The following MOB3B variants were observed in gnomAD, a reference collection of about 807,000 sequenced individuals.
MOB3B encodes the protein MOB kinase activator 3B, also known as MOB kinase activator-like 2B.
Under a neutral mutation model 18.7 loss-of-function variants are expected in MOB3B, and 7 were observed. The ratio of observed to expected loss-of-function variants is 0.37; its 90% confidence interval spans 0.21 to 0.70. The LOEUF (loss-of-function observed/expected upper bound fraction) is 0.70. Ranked by LOEUF, MOB3B falls within the 30% of genes least tolerant of loss-of-function variation. The pLI, the probability that MOB3B is intolerant of heterozygous loss-of-function variation, is 0.52. For missense variants in MOB3B, 253 were observed against 281.3 expected (o/e 0.90, Z 0.72); for synonymous variants, 111 against 99.9 (o/e 1.11, Z -0.66).
rs1470496445 is a variant in MOB3B at position 27,455,098 on chromosome 9, G to A, written c.418+35C>T. On this transcript the variant is annotated intron_variant, in intron 2 of 3. Transcript: ENST00000262244. ...AATTTTCATAGTGAAGATTGTGCAG[G>A]TGACAAAAAAACTGAGAGCTGGTAA... 5 of 1,612,616 alleles carry A rather than the reference G, an allele frequency of 3.1e-6. No individual in the cohort carries two copies. In the South Asian group the frequency reaches 3.3e-5, roughly 11 times the overall value.
intron 2 of MOB3B, among the ~76,000 whole-genome samples, chr9:27,450,039 C>T (rs1299423771): frequency 2.0e-5 from 3 of 151,914 alleles, no homozygotes; most frequent in Non-Finnish European, 4.4e-5. Context: ...ACTCAACTCC[C>T]CAACATCCCA....
chr9:27,361,339 C>T (rs1357541450), intron 2 of MOB3B, among the ~76,000 whole-genome samples: 2 of 152,012 alleles, frequency 1.3e-5, no homozygotes, highest in South Asian at 2.1e-4. Context: ...AGGAACCACT[C>T]GATTGTCAAG....
At chr9:27,429,701 G>A (rs1172444899) in intron 2 of MOB3B, among the ~76,000 whole-genome samples, 1 of 152,114 alleles carries the variant, frequency 6.6e-6, no homozygotes, top group Admixed American at 6.5e-5. Context: ...TTGCATAGAC[G>A]GAGAGCTTGG....
At chr9:27,379,106 C>T (rs1288200611) in intron 2 of MOB3B, among the ~76,000 whole-genome samples, 4 of 152,048 alleles carry the variant, frequency 2.6e-5, no homozygotes, top group Admixed American at 6.5e-5. Flanking sequence ...AGAAGAAGCC[C>T]GGAGACCACT....
chr9:27,461,462 G>C (rs2131456782), intron 1 of MOB3B, among the ~76,000 whole-genome samples: 1 of 152,292 alleles, frequency 6.6e-6, no homozygotes, highest in African/African-American at 2.4e-5. Context: ...ACTTTGAGCT[G>C]TCATATCACT....
At chr9:27,496,264 G>T (rs1346712904) in intron 1 of MOB3B, among the ~76,000 whole-genome samples, 1 of 152,068 alleles carries the variant, frequency 6.6e-6, no homozygotes, top group Non-Finnish European at 1.5e-5. Context: ...CTATAGCAAA[G>T]TCTGGTTTTA....
At chr9:27,401,105 C>T (rs1425914140) in intron 2 of MOB3B, among the ~76,000 whole-genome samples, 1 of 152,196 alleles carries the variant, frequency 6.6e-6, no homozygotes, top group East Asian at 1.9e-4. Context: ...AGCAATGGAA[C>T]CGGGCCAGGG....
At chr9:27,441,919 T>C (rs1822600363) in intron 2 of MOB3B, among the ~76,000 whole-genome samples, 1 of 152,114 alleles carries the variant, frequency 6.6e-6, no homozygotes, top group African/African-American at 2.4e-5. Flanking sequence ...CATACTCATG[T>C]CAGCCCTGAC....
chr9:27,458,726 T>C (rs957817056), intron 1 of MOB3B, among the ~76,000 whole-genome samples: 1 of 151,494 alleles, frequency 6.6e-6, no homozygotes, highest in East Asian at 2.0e-4. Context: ...AAGTATTTTA[T>C]CTTGTATTTT....
intron 1 of MOB3B, among the ~76,000 whole-genome samples, chr9:27,487,965 T>C (rs567878063): frequency 6.6e-6 from 1 of 152,318 alleles, no homozygotes; most frequent in Non-Finnish European, 1.5e-5. Flanking sequence ...AAATAACCTA[T>C]TGGGACAATG....
chr9:27,415,287 T>A (rs1279516566), intron 2 of MOB3B, among the ~76,000 whole-genome samples: 1 of 152,250 alleles, frequency 6.6e-6, no homozygotes, highest in Non-Finnish European at 1.5e-5. Flanking sequence ...GAAATGGTAC[T>A]GTTTGCTTTT....
chr9:27,360,811 A>C (rs1821264115), intron 2 of MOB3B, among the ~76,000 whole-genome samples: 4 of 152,210 alleles, frequency 2.6e-5, no homozygotes. Flanking sequence ...TCTTTGAAAC[A>C]AAGTGGCAAC....
At chr9:27,413,575 G>A (rs4878450) in intron 2 of MOB3B, among the ~76,000 whole-genome samples, 122,614 of 152,096 alleles carry the variant, frequency 0.81, 50,323 homozygotes, top group Middle Eastern at 0.89. Context: ...CTATTTTGAA[G>A]GGACTGGATT....
chr9:27,525,505 GA>G (rs551970048), intron 1 of MOB3B, among the ~76,000 whole-genome samples: 180 of 152,262 alleles, frequency 1.2e-3, no homozygotes, highest in African/African-American at 4.1e-3. Flanking sequence ...TGGTTTGTTT[GA>G]ATTGATGCTT....
At chr9:27,411,332 A>G (rs867389830) in intron 2 of MOB3B, among the ~76,000 whole-genome samples, 6 of 152,212 alleles carry the variant, frequency 3.9e-5, no homozygotes, top group African/African-American at 7.2e-5. Flanking sequence ...CAAATTTCCA[A>G]GAAGGAACAT....
chr9:27,515,781 C>T (rs1424148214), intron 1 of MOB3B, among the ~76,000 whole-genome samples: 3 of 152,150 alleles, frequency 2.0e-5, no homozygotes, highest in East Asian at 3.8e-4. Context: ...GTTGCAAGAT[C>T]CTCTCCCCAT....
chr9:27,402,593 C>A (rs1451110157), intron 2 of MOB3B, among the ~76,000 whole-genome samples: 1 of 152,138 alleles, frequency 6.6e-6, no homozygotes, highest in Admixed American at 6.5e-5. Context: ...ATTTCAAGTC[C>A]ATATACAGAA....
In MOB3B at chr9:27,524,440, T is replaced by C. The variant is rs145543213; in HGVS notation, c.-199+5115A>G. On this transcript the variant is annotated intron_variant, in intron 1 of 3. Coordinates refer to ENST00000262244, the MANE Select transcript of MOB3B (RefSeq NM_024761.5). ...TCCCTGGACTGTAACTTACTGAACG[T>C]TCACCTGAGAAGAGTCACCTGGCAA... 1,076 of 1,614,118 alleles carry C rather than the reference T, an allele frequency of 6.7e-4. No individual in the cohort carries two copies. The highest frequency in any genetic ancestry group is 8.4e-4 in the Non-Finnish European group (986 of 1,179,996).
At chr9:27,510,304 T>G (rs1820123772) in intron 1 of MOB3B, among the ~76,000 whole-genome samples, 1 of 152,246 alleles carries the variant, frequency 6.6e-6, no homozygotes, top group Non-Finnish European at 1.5e-5. Context: ...TGATCATTGT[T>G]GCTGCTTATA....
Sources: gnomAD v4.1 joint callset for allele counts (sites outside exome capture counted in the v4.1 genomes callset) on GRCh38, gnomAD v4.1.1 for gene constraint, MANE v1.5 for transcripts, NCBI Gene and HGNC (gene_info 2026-07-23, HGNC 2026-07-21) for gene names.